FRMD6: variants seen among roughly 807,000 people sequenced by gnomAD.
FRMD6 encodes FERM domain-containing protein 6.
In FRMD6, 37 loss-of-function variants were observed where a neutral mutation model predicts 73.2. The ratio of observed to expected loss-of-function variants is 0.51; its 90% CI spans 0.39 to 0.66. The LOEUF (loss-of-function observed/expected upper bound fraction) is 0.66. Among genes scored for constraint, FRMD6 ranks in the 30% least tolerant of loss-of-function variants. FRMD6 has a pLI of 0.00. For synonymous variants in FRMD6, 273 were observed against 282.2 expected (o/e 0.97, Z 0.33); for missense variants, 714 against 780.5 (o/e 0.91, Z 1.02).
chr14:51,419,355 G>A, the FRMD6 span, among the ~76,000 whole-genome samples: 1 of 152,128 alleles, frequency 6.6e-6, no homozygotes, highest in African/African-American at 2.4e-5. Flanking sequence ...TCACCATCTT[G>A]GCCAGGATGG....
At chr14:51,574,920 C>G (rs1378228039) in intron 2 of FRMD6, among the ~76,000 whole-genome samples, 1 of 152,064 alleles carries the variant, frequency 6.6e-6, no homozygotes, top group African/African-American at 2.4e-5. Context: ...ATGCCTGTAT[C>G]AAAATATCTT....
rs1016592469 is a variant in FRMD6, at chr14:51,672,596, C to G, written c.-146-17095C>G. Among the ~76,000 whole-genome samples the G allele has an allele frequency of 6.6e-5, 10 of 152,144 alleles. 1 individual carries two copies. Among genetic ancestry groups the G allele is most frequent in the Admixed American group, 6.5e-4 (10 of 15,272 alleles). On this transcript the variant is annotated intron_variant, in intron 1 of 13. Transcript: ENST00000344768. Reference sequence around the variant, plus strand: ...GTGGCTGGTATTATTATAAAAATATCTTGACCTTTTGGAGCTTATGGTGAG... The same window carrying G: ...GTGGCTGGTATTATTATAAAAATATGTTGACCTTTTGGAGCTTATGGTGAG...
chr14:51,396,540 G>A, the FRMD6 span, among the ~76,000 whole-genome samples: 3 of 152,296 alleles, frequency 2.0e-5, no homozygotes, highest in South Asian at 2.1e-4. Flanking sequence ...GCCACGGAAC[G>A]CAGCTGCCTG....
intron 2 of FRMD6, among the ~76,000 whole-genome samples, chr14:51,694,655 A>C (rs563307752): frequency 1.2e-3 from 183 of 152,246 alleles, no homozygotes; most frequent in Non-Finnish European, 1.9e-3. Context: ...GTGCCACTGC[A>C]CTCCAGGTTG....
chr14:51,710,777 CTA>C (rs1456615168), intron 7 of FRMD6, among the ~76,000 whole-genome samples: 3 of 151,962 alleles, frequency 2.0e-5, no homozygotes, highest in Non-Finnish European at 4.4e-5. Context: ...ACTTTATACA[CTA>C]TATATACTTA....
At chr14:51,409,896 G>T in the FRMD6 span, among the ~76,000 whole-genome samples, 13 of 152,176 alleles carry the variant, frequency 8.5e-5, no homozygotes, top group African/African-American at 2.9e-4. Context: ...GCCCAACGCA[G>T]TATGTTTCAC....
At chr14:51,413,138 A>G in the FRMD6 span, among the ~76,000 whole-genome samples, 1 of 151,754 alleles carries the variant, frequency 6.6e-6, no homozygotes, top group Non-Finnish European at 1.5e-5. Context: ...CTACAGGCAC[A>G]CACTACCACA....
the FRMD6 span, among the ~76,000 whole-genome samples, chr14:51,441,893 A>G: frequency 6.6e-6 from 1 of 152,220 alleles, no homozygotes; most frequent in Admixed American, 6.5e-5. Context: ...ATTATATACT[A>G]CTTAATGACA....
chr14:51,712,270 T>C (rs1027563182), intron 8 of FRMD6, among the ~76,000 whole-genome samples: 7 of 152,202 alleles, frequency 4.6e-5, no homozygotes, highest in African/African-American at 1.7e-4. Flanking sequence ...AAGATTGCCT[T>C]AAAAGGGTTA....
At chr14:51,488,720 A>G (rs780703610), upstream of FRMD6, among the ~76,000 whole-genome samples, 7 of 152,240 alleles carry the variant, frequency 4.6e-5, no homozygotes, top group Non-Finnish European at 8.8e-5. Flanking sequence ...TCTTTCTGTG[A>G]TAGTAATCCT....
intron 1 of FRMD6, among the ~76,000 whole-genome samples, chr14:51,490,591 G>A (rs1882935673): frequency 6.8e-6 from 1 of 147,654 alleles, no homozygotes; most frequent in Admixed American, 6.7e-5. Flanking sequence ...ACAGTGCTAG[G>A]TCCTGGACGA....
the FRMD6 span, among the ~76,000 whole-genome samples, chr14:51,433,442 A>G: frequency 6.6e-6 from 1 of 152,248 alleles, no homozygotes. Context: ...TAAAATGCAA[A>G]GAATATGTGT....
chr14:51,469,228 T>C, the FRMD6 span, among the ~76,000 whole-genome samples: 1 of 151,228 alleles, frequency 6.6e-6, no homozygotes, highest in Non-Finnish European at 1.5e-5. Context: ...CGTGAGCCAC[T>C]GCGCCCAGCC....
intron 2 of FRMD6, among the ~76,000 whole-genome samples, chr14:51,633,621 A>AAAGAAAAAAAAG: frequency 1.0e-5 from 1 of 99,368 alleles, no homozygotes; most frequent in Non-Finnish European, 1.9e-5. Context: ...AAAAAAAAAA[A>AAAGAAAAAAAAG]GAAATAATTA....
the FRMD6 span, among the ~76,000 whole-genome samples, chr14:51,451,552 TA>T: frequency 2.0e-5 from 3 of 152,188 alleles, no homozygotes; most frequent in South Asian, 2.1e-4. Context: ...TTTTTTTGTA[TA>T]TTTTTTTAGT....
the FRMD6 span, among the ~76,000 whole-genome samples, chr14:51,471,454 T>A: frequency 6.7e-6 from 1 of 148,328 alleles, no homozygotes; most frequent in Non-Finnish European, 1.5e-5. Context: ...TTAGCCGAGA[T>A]AGCGCCACTG....
chr14:51,684,782 C>A (rs1335217639), intron 1 of FRMD6, among the ~76,000 whole-genome samples: 1 of 152,134 alleles, frequency 6.6e-6, no homozygotes, highest in Non-Finnish European at 1.5e-5. Context: ...AAAAACCCTT[C>A]AGTAGAATCT....
At chr14:51,559,366 G>A (rs2139495234) in intron 1 of FRMD6, among the ~76,000 whole-genome samples, 1 of 152,278 alleles carries the variant, frequency 6.6e-6, no homozygotes, top group Non-Finnish European at 1.5e-5. Context: ...CCTTAGACCA[G>A]CTGCATCAGA....
intron 2 of FRMD6, among the ~76,000 whole-genome samples, chr14:51,639,769 A>G (rs954967724): frequency 4.6e-5 from 7 of 152,212 alleles, no homozygotes; most frequent in African/African-American, 1.7e-4. Flanking sequence ...CAAAGCCCTT[A>G]GTGGGTCAGT....
Sources: gnomAD v4.1 joint callset for allele counts (sites outside exome capture counted in the v4.1 genomes callset) on GRCh38, gnomAD v4.1.1 for gene constraint, MANE v1.5 for transcripts, NCBI Gene and HGNC (gene_info 2026-07-23, HGNC 2026-07-21) for gene names.